Variants in VWC2 observed in about 807,000 individuals in gnomAD.
VWC2 encodes the protein von Willebrand factor C domain containing 2.
In VWC2, 14 loss-of-function variants were observed where a neutral mutation model predicts 29.8. The ratio of observed to expected loss-of-function variants is 0.47; its 90% CI spans 0.31 to 0.74. VWC2 has a LOEUF of 0.74. Among genes scored for constraint, VWC2 ranks in the 30% least tolerant of loss-of-function variants. VWC2 has a pLI of 0.05. For missense variants in VWC2, 457 were observed against 459.8 expected (o/e 0.99, Z 0.05); for synonymous variants, 213 against 199.0 (o/e 1.07, Z -0.59).
chr7:49,910,597 T>G (rs963058036), intron 3 of VWC2, among the ~76,000 whole-genome samples: 1 of 65,468 alleles, frequency 1.5e-5, no homozygotes, highest in African/African-American at 6.6e-5. Context: ...ACAAAGCCAT[T>G]AATCTTTTAA....
At chr7:49,810,448 G>A (rs966165285) in intron 3 of VWC2, among the ~76,000 whole-genome samples, 11 of 152,096 alleles carry the variant, frequency 7.2e-5, no homozygotes, top group Non-Finnish European at 8.8e-5. Flanking sequence ...TTGTCAAGAT[G>A]TTAGTTCTTC....
chr7:49,914,605 A>C lies in VWC2; in HGVS notation c.*2420A>C, dbSNP rs1793622477. ...GACACTGTATATACTCATTAATAATAATGGCATTATTTGCATTTTTGTCCA... is the reference window on the plus strand; with the variant it reads ...GACACTGTATATACTCATTAATAATCATGGCATTATTTGCATTTTTGTCCA... On this transcript the variant is annotated 3_prime_UTR_variant, in exon 4 of 4. Transcript: ENST00000340652. 1 of 152,204 alleles carries C rather than the reference A, an allele frequency of 6.6e-6. No homozygotes were observed. 9.4% of individuals were successfully genotyped at this position (152,204 alleles called of 1,614,324 possible).
intron 3 of VWC2, among the ~76,000 whole-genome samples, chr7:49,867,520 AT>A (rs1446482495): frequency 6.6e-6 from 1 of 152,210 alleles, no homozygotes; most frequent in Non-Finnish European, 1.5e-5. Flanking sequence ...ATGTGCTGAC[AT>A]AGTCTTCTTG....
chr7:49,899,626 A>T (rs1022010789), intron 3 of VWC2, among the ~76,000 whole-genome samples: 1 of 152,054 alleles, frequency 6.6e-6, no homozygotes, highest in African/African-American at 2.4e-5. Flanking sequence ...GAAGACACAC[A>T]GGTCTTCAAT....
chr7:49,847,168 C>A (rs1789974643), intron 3 of VWC2, among the ~76,000 whole-genome samples: 1 of 151,142 alleles, frequency 6.6e-6, no homozygotes, highest in South Asian at 2.1e-4. Context: ...ATATAAGAAT[C>A]CCCTGTGGGA....
Position 49,877,474 on chromosome 7 carries a change from A to AAAATAAAT in VWC2, c.827-34557_827-34556insTAAATAAA, listed in dbSNP as rs1237264835. Among the ~76,000 whole-genome samples, 2 of 46,270 alleles carry AAAATAAAT rather than the reference A, an allele frequency of 4.3e-5. 1 individual carries two copies. 30.4% of individuals were successfully genotyped at this position (46,270 alleles called of 152,430 possible). Reference sequence around the variant, plus strand: ...AGAAACTCTGTCTCAAAAAAAAAAAAAAAAAAAATATATATATATATATAT... The same window carrying AAAATAAAT: ...AGAAACTCTGTCTCAAAAAAAAAAAAAAATAAATAAAAAAAATATATATATATATATAT... On this transcript the variant is annotated intron_variant, in intron 3 of 3. Transcript: ENST00000340652.
At chr7:49,871,980 G>A (rs558738343) in intron 3 of VWC2, among the ~76,000 whole-genome samples, 1 of 133,640 alleles carries the variant, frequency 7.5e-6, no homozygotes, top group African/African-American at 2.8e-5. Context: ...GGGAGGGAGG[G>A]AGGGTAGGAA....
intron 3 of VWC2, among the ~76,000 whole-genome samples, chr7:49,825,485 T>C (rs1426088916): frequency 6.6e-6 from 1 of 152,212 alleles, no homozygotes; most frequent in Non-Finnish European, 1.5e-5. Flanking sequence ...AGTGTGGATA[T>C]AGATCTCCTT....
chr7:49,825,261 A>T (rs1401401569), intron 3 of VWC2, among the ~76,000 whole-genome samples: 1 of 152,180 alleles, frequency 6.6e-6, no homozygotes, highest in Non-Finnish European at 1.5e-5. Context: ...ACTCATTAAG[A>T]TCACATTTTC....
At chr7:49,783,373 G>A (rs146926907) in intron 2 of VWC2, among the ~76,000 whole-genome samples, 1 of 152,110 alleles carries the variant, frequency 6.6e-6, no homozygotes, top group Non-Finnish European at 1.5e-5. Context: ...AGACTCCACT[G>A]TTGTTGATGG....
intron 3 of VWC2, among the ~76,000 whole-genome samples, chr7:49,871,201 T>C (rs576132639): frequency 7.5e-4 from 114 of 152,244 alleles, no homozygotes; most frequent in African/African-American, 2.6e-3. Context: ...TAATAATATC[T>C]ATTGTTGGTA....
At chr7:49,910,805 G>A (rs1793368141) in intron 3 of VWC2, among the ~76,000 whole-genome samples, 1 of 152,134 alleles carries the variant, frequency 6.6e-6, no homozygotes, top group Admixed American at 6.5e-5. Context: ...ACACTAAGAT[G>A]GTGCTTCTCA....
At chr7:49,877,477 AAAAAATATAT>A (rs1283833302) in intron 3 of VWC2, among the ~76,000 whole-genome samples, 8 of 17,294 alleles carry the variant, frequency 4.6e-4, no homozygotes, top group South Asian at 3.6e-3. Flanking sequence ...AAAAAAAAAA[AAAAAATATAT>A]ATATATATAT....
chr7:49,806,886 G>T (rs2128706705), intron 3 of VWC2, among the ~76,000 whole-genome samples: 1 of 152,098 alleles, frequency 6.6e-6, no homozygotes, highest in East Asian at 1.9e-4. Context: ...ATTATTTACA[G>T]ATTACGTGAT....
chr7:49,844,600 G>A (rs1789876005), intron 3 of VWC2, among the ~76,000 whole-genome samples: 1 of 152,232 alleles, frequency 6.6e-6, no homozygotes, highest in African/African-American at 2.4e-5. Flanking sequence ...GGAAGATTGT[G>A]AGAGCCCTGG....
chr7:49,780,554 A>G (rs1488458761), intron 2 of VWC2, among the ~76,000 whole-genome samples: 1 of 152,184 alleles, frequency 6.6e-6, no homozygotes, highest in Non-Finnish European at 1.5e-5. Context: ...AACCTAATGG[A>G]ATTTTTGTGA....
chr7:49,826,194 T>A (rs539587793), intron 3 of VWC2, among the ~76,000 whole-genome samples: 1 of 152,266 alleles, frequency 6.6e-6, no homozygotes, highest in South Asian at 2.1e-4. Flanking sequence ...TTCTGTCTGG[T>A]TTTCATCACT....
At chr7:49,877,479 AAAATATATATAT>A (rs1229138570) in intron 3 of VWC2, among the ~76,000 whole-genome samples, 306 of 12,748 alleles carry the variant, frequency 0.024, 40 homozygotes, top group Admixed American at 0.23. Context: ...AAAAAAAAAA[AAAATATATATAT>A]ATATATATAT....
At chr7:49,841,981 C>T (rs957339073) in intron 3 of VWC2, among the ~76,000 whole-genome samples, 1 of 152,090 alleles carries the variant, frequency 6.6e-6, no homozygotes, top group African/African-American at 2.4e-5. Flanking sequence ...ATTCTCCTGT[C>T]TCAGCCTCCT....
Sources: gnomAD v4.1 joint callset for allele counts (sites outside exome capture counted in the v4.1 genomes callset) on GRCh38, gnomAD v4.1.1 for gene constraint, MANE v1.5 for transcripts, NCBI Gene and HGNC (gene_info 2026-07-23, HGNC 2026-07-21) for gene names.